Variants in RARB observed in about 807,000 individuals in gnomAD.
RARB encodes HBV-activated protein.
A neutral mutation model predicts 51.9 loss-of-function variants in RARB; 17 were observed. The ratio of observed to expected loss-of-function variants is 0.33; its 90% CI spans 0.22 to 0.49. The LOEUF (loss-of-function observed/expected upper bound fraction) is 0.49, where lower values mean the gene tolerates loss of function less well. Among genes scored for constraint, RARB ranks in the 20% least tolerant of loss-of-function variants. The pLI is 0.99. For synonymous variants in RARB, 215 were observed against 195.4 expected, an observed-to-expected ratio of 1.10 and a Z score of -0.84; for missense variants, 369 against 550.8, an observed-to-expected ratio of 0.67 and a Z score of 3.30.
chr3:24,910,449 A>G (rs1333169101), intron 2 of RARB, among the ~76,000 whole-genome samples: 1 of 151,744 alleles, frequency 6.6e-6, no homozygotes, highest in East Asian at 1.9e-4. Context: ...TGATAAATAT[A>G]GAGTAAATAT....
At position 25,429,264 on chromosome 3, in the gene RARB, G is replaced by A. The variant is rs139882614; in HGVS notation, c.157+376G>A. On this transcript the variant is annotated intron_variant, in intron 1 of 7. Transcript: ENST00000330688. ...CAGTTTTTACTAAAATGTATGCAGA[G>A]TGGAATTTAACTTTGCTGTTCTTTG... Among the ~76,000 whole-genome samples, 963 of 152,300 alleles carry A rather than the reference G, an allele frequency of 6.3e-3. 14 individuals are homozygous for A. The highest frequency in any genetic ancestry group is 0.022 in the African/African-American group (934 of 41,568).
chr3:24,846,105 G>C (rs1476379760), intron 1 of RARB, among the ~76,000 whole-genome samples: 1 of 152,182 alleles, frequency 6.6e-6, no homozygotes, highest in Non-Finnish European at 1.5e-5. Flanking sequence ...TTTTAAGGTA[G>C]AGCTTTCTAG....
chr3:25,066,045 G>A (rs1488894194), intron 3 of RARB, among the ~76,000 whole-genome samples: 3 of 152,130 alleles, frequency 2.0e-5, no homozygotes, highest in Non-Finnish European at 4.4e-5. Flanking sequence ...GGAATATTGA[G>A]CATGTAGAAT....
chr3:25,186,316 A>G (rs1700972997), intron 5 of RARB, among the ~76,000 whole-genome samples: 2 of 151,938 alleles, frequency 1.3e-5, no homozygotes, highest in African/African-American at 4.8e-5. Context: ...AAGAGTGTGG[A>G]TCATCAGATA....
chr3:25,560,552 G>A (rs1700229300), intron 3 of RARB, among the ~76,000 whole-genome samples: 1 of 152,170 alleles, frequency 6.6e-6, no homozygotes, highest in Non-Finnish European at 1.5e-5. Flanking sequence ...ACTAAGCCAA[G>A]TTCAGACAGA....
intron 1 of RARB, among the ~76,000 whole-genome samples, chr3:25,448,868 G>T (rs899922869): frequency 1.3e-5 from 2 of 152,058 alleles, no homozygotes; most frequent in African/African-American, 4.8e-5. Flanking sequence ...TCTACTTCAA[G>T]TTACTCCTCT....
chr3:25,159,957 A>C (rs562410746), intron 4 of RARB, among the ~76,000 whole-genome samples: 3 of 152,320 alleles, frequency 2.0e-5, no homozygotes, highest in East Asian at 3.9e-4. Flanking sequence ...TTCTCCTCCC[A>C]ACTCTCTTGA....
intron 2 of RARB, among the ~76,000 whole-genome samples, chr3:24,963,625 C>G (rs1696190957): frequency 6.6e-6 from 1 of 151,818 alleles, no homozygotes; most frequent in African/African-American, 2.4e-5. Context: ...TTCAAGAAAC[C>G]TGGCTAAAGC....
intron 3 of RARB, among the ~76,000 whole-genome samples, chr3:25,522,288 C>G (rs1344808872): frequency 6.6e-6 from 1 of 152,038 alleles, no homozygotes; most frequent in Non-Finnish European, 1.5e-5. Flanking sequence ...TGTCCCTTGC[C>G]AGTAAACTGC....
chr3:25,531,158 C>G (rs1224151519), intron 3 of RARB, among the ~76,000 whole-genome samples: 1 of 152,068 alleles, frequency 6.6e-6, no homozygotes, highest in Non-Finnish European at 1.5e-5. Flanking sequence ...ATGAAAAATA[C>G]AAGCCTCAGA....
intron 3 of RARB, among the ~76,000 whole-genome samples, chr3:25,562,635 C>A (rs1368658461): frequency 6.6e-6 from 1 of 152,158 alleles, no homozygotes; most frequent in African/African-American, 2.4e-5. Context: ...TTTCTTTTTT[C>A]TCATTTCTGG....
At chr3:25,333,711 A>G (rs2125446513) in intron 5 of RARB, among the ~76,000 whole-genome samples, 1 of 152,358 alleles carries the variant, frequency 6.6e-6, no homozygotes, top group African/African-American at 2.4e-5. Flanking sequence ...TCTGCACAGC[A>G]AAAGAAACTA....
At chr3:25,320,050 G>A (rs1280663460) in intron 5 of RARB, among the ~76,000 whole-genome samples, 1 of 147,040 alleles carries the variant, frequency 6.8e-6, no homozygotes, top group African/African-American at 2.5e-5. Flanking sequence ...TTTGCTAATG[G>A]ATGTTTTGCC....
At chr3:24,942,339 A>G (rs1322611867) in intron 2 of RARB, among the ~76,000 whole-genome samples, 1 of 152,212 alleles carries the variant, frequency 6.6e-6, no homozygotes, top group Admixed American at 6.5e-5. Context: ...TTATAAAAGT[A>G]TCAAATCTTA....
chr3:25,163,050 G>C (rs1188878855), intron 4 of RARB, among the ~76,000 whole-genome samples: 2 of 152,208 alleles, frequency 1.3e-5, no homozygotes, highest in African/African-American at 4.8e-5. Context: ...CAACGTTAAA[G>C]CATTTCAATG....
intron 3 of RARB, among the ~76,000 whole-genome samples, chr3:25,545,104 A>G (rs1045608517): frequency 6.6e-6 from 1 of 151,878 alleles, no homozygotes; most frequent in African/African-American, 2.4e-5. Flanking sequence ...CACCACACCC[A>G]GCTAATGTTT....
intron 3 of RARB, among the ~76,000 whole-genome samples, chr3:25,078,379 T>C (rs1416450538): frequency 6.6e-6 from 1 of 152,166 alleles, no homozygotes; most frequent in African/African-American, 2.4e-5. Flanking sequence ...CATTTTCTTA[T>C]TGTTTTGGCT....
At chr3:24,933,142 T>G (rs772284745) in intron 2 of RARB, among the ~76,000 whole-genome samples, 26 of 152,092 alleles carry the variant, frequency 1.7e-4, no homozygotes, top group Non-Finnish European at 3.1e-4. Context: ...CCCTGTAATA[T>G]GAATCTTTTT....
intron 2 of RARB, among the ~76,000 whole-genome samples, chr3:25,001,114 T>TGGAG (rs897857955): frequency 1.3e-5 from 2 of 151,896 alleles, no homozygotes; most frequent in Non-Finnish European, 2.9e-5. Flanking sequence ...TGTGTGAGGA[T>TGGAG]GGAGGGAGGG....
Sources: allele counts gnomAD v4.1 joint callset (sites outside exome capture counted in the v4.1 genomes callset), GRCh38; gene constraint gnomAD v4.1.1; transcripts MANE v1.5; gene names NCBI Gene and HGNC (gene_info 2026-07-23, HGNC 2026-07-21).